Variants in HNRNPK observed in about 807,000 individuals in gnomAD.
The protein encoded by HNRNPK is heterogeneous nuclear ribonucleoprotein K.
HNRNPK carries 7 observed loss-of-function variants against 67.0 expected under a neutral mutation model. The ratio of observed to expected loss-of-function variants is 0.10; its 90% CI spans 0.06 to 0.20. The LOEUF (loss-of-function observed/expected upper bound fraction) is 0.20. Ranked by LOEUF, HNRNPK falls within the 10% of genes least tolerant of loss-of-function variation. The pLI is 1.00. For synonymous variants in HNRNPK, 213 were observed against 193.7 expected (o/e 1.10, Z -0.83); for missense variants, 264 against 606.5 (o/e 0.44, Z 5.93).
chr9:83,979,985 G>C (rs1490568022), intron 1 of HNRNPK, among the ~76,000 whole-genome samples, 168 bp downstream of exon 1: 2 of 152,170 alleles, frequency 1.3e-5, no homozygotes, highest in African/African-American at 4.8e-5. Flanking sequence ...GCGGACTGCG[G>C]ATACACGCTC....
At position 83,974,509 on chromosome 9, in the gene HNRNPK, G is replaced by A. The variant is rs1259143826; in HGVS notation, c.330+8C>T. On this transcript the variant is annotated splice_region_variant and intron_variant, in intron 7 of 16. Coordinates refer to ENST00000376263, the MANE Select transcript of HNRNPK (RefSeq NM_031263.4). ...TTGTCAAATACATTTAAAAAAAAATGAGCCTACCTCTTCCAAGGTAGGGAT... is the reference window on the plus strand; with the variant it reads ...TTGTCAAATACATTTAAAAAAAAATAAGCCTACCTCTTCCAAGGTAGGGAT... 6 of 1,414,582 alleles carry A rather than the reference G, an allele frequency of 4.2e-6. No individual in the cohort carries two copies. The highest frequency in any genetic ancestry group is 1.7e-5 in the Admixed American group (1 of 57,362). The allele number at this position is 1,414,582 out of a possible 1,614,324, so 87.6% of individuals were successfully genotyped here.
chr9:83,971,078 A>G, intron 13 of HNRNPK, 166 bp from the exon 14 acceptor site: 1 of 752,520 alleles, frequency 1.3e-6, no homozygotes, highest in Non-Finnish European at 2.3e-6. Flanking sequence ...TGTAGTTGGG[A>G]TTATGAGTGA....
At position 83,971,503 on chromosome 9, in the gene HNRNPK, T is replaced by C. The variant is rs1435867116; in HGVS notation, c.1009-147A>G. The C allele has an allele frequency of 6.2e-6, 5 of 807,016 alleles. No homozygotes were observed. In the Admixed American group the frequency reaches 1.1e-4, roughly 17 times the overall value. The allele number at this position is 807,016 out of a possible 1,614,324, so 50.0% of individuals were successfully genotyped here. On this transcript the variant is annotated intron_variant, in intron 12 of 16. Transcript: ENST00000376263. ...TGTAATCGAGGGGAACAAAGCTCAA[T>C]AAAGTCGTAATCCTCCAGCAGCAAA...
At position 83,978,257 on chromosome 9, in the gene HNRNPK, T is replaced by C. The variant is rs1957162288; in HGVS notation, c.-5A>G. 2 of 1,612,230 alleles carry C rather than the reference T, an allele frequency of 1.2e-6. No individual in the cohort carries two copies. The highest frequency in any genetic ancestry group is 1.7e-6 in the Non-Finnish European group (2 of 1,179,050). ...TTCTGGCTGTTCAGTTTCCATATTC[T>C]TTTATTAAACGGGCACACCAATCTG... is the stretch of plus-strand genomic sequence containing the variant. On this transcript the variant is annotated 5_prime_UTR_variant, in exon 3 of 17. Coordinates refer to ENST00000376263, the MANE Select transcript of HNRNPK (RefSeq NM_031263.4).
chr9:83,970,451 G>GA, intron 15 of HNRNPK, 120 bp from the exon 16 acceptor site: 1 of 790,040 alleles, frequency 1.3e-6, no homozygotes, highest in South Asian at 1.8e-5. Context: ...ATGATCTAAC[G>GA]CTCCCTAAAC....
chr9:83,971,170 C>G (rs1396641592), intron 13 of HNRNPK, 103 bp downstream of exon 13: 2 of 894,674 alleles, frequency 2.2e-6, no homozygotes, highest in Non-Finnish European at 3.8e-6. Flanking sequence ...CTCCTGTATC[C>G]TATTTTCAGT....
At chr9:83,972,391 C>A (rs1012544449) in intron 10 of HNRNPK, 13 of 562,290 alleles carry the variant, frequency 2.3e-5, no homozygotes, top group Non-Finnish European at 4.1e-5. Flanking sequence ...AAATGCTAAA[C>A]AAAAGTGAGT....
At chr9:83,974,645 T>A (rs1485269873) in intron 6 of HNRNPK, 56 bp from the exon 7 acceptor site, 1 of 1,236,280 alleles carries the variant, frequency 8.1e-7, no homozygotes, top group South Asian at 1.3e-5. Flanking sequence ...GAAAAATGAG[T>A]TTTGTGTTTG....
Position 83,973,888 on chromosome 9 carries a change from G to C in HNRNPK, c.402+14C>G. On this transcript the variant is annotated intron_variant, in intron 8 of 16. Coordinates refer to ENST00000376263, the MANE Select transcript of HNRNPK (RefSeq NM_031263.4). ...CTCCATACTTCAGTGGGGTTCAATG[G>C]CACTATGACATACATTTAAGCATTC... The C allele has an allele frequency of 6.2e-7, 1 of 1,603,240 alleles. No individual in the cohort carries two copies.
In HNRNPK at chr9:83,978,223, G is replaced by A. The variant is rs1169364169; in HGVS notation, c.30C>T (p.Phe10=). 4 of 1,611,368 alleles carry A rather than the reference G, an allele frequency of 2.5e-6. No individual in the cohort carries two copies. The highest frequency in any genetic ancestry group is 3.4e-6 in the Non-Finnish European group (4 of 1,177,938). The part of the protein sequence containing the change: METEQPEET[F]PNTETNGEFG... ...ATTCACCATTGGTTTCAGTGTTAGG[G>A]AAGGTTTCTTCTGGCTGTTCAGTTT... is the stretch of plus-strand genomic sequence containing the variant. Residue 10 remains phenylalanine (F), a synonymous_variant, in exon 3 of 17, where the codon TTC becomes TTT. Transcript: ENST00000376263.
At position 83,977,773 on chromosome 9, in the gene HNRNPK, T is replaced by C; in HGVS notation, c.72A>G (p.Ala24=). 1 of 1,603,348 alleles carries C rather than the reference T, an allele frequency of 6.2e-7. No homozygotes were observed. Among genetic ancestry groups the C allele is most frequent in the South Asian group, 1.1e-5 (1 of 90,614 alleles). The stretch of plus-strand genomic sequence containing the variant: ...ATGCTTGTTCCTCTTCCATATCTTC[T>C]GCAGGGCGTTTACCTAAAAATTAAC... The part of the protein sequence containing the change: ...ETNGEFGKRP[A]EDMEEEQAFK... The change falls in exon 4 of 17, where the codon GCA becomes GCG. Residue 24 remains alanine (A), a synonymous_variant. Coordinates refer to ENST00000376263, the MANE Select transcript of HNRNPK (RefSeq NM_031263.4).
chr9:83,972,821 A>C, intron 10 of HNRNPK, 23 bp downstream of exon 10: 1 of 1,555,552 alleles, frequency 6.4e-7, no homozygotes, highest in Non-Finnish European at 8.7e-7. Context: ...AATCAAATGT[A>C]AACAAAAAGT....
At chr9:83,979,662 G>A (rs1442973545) in intron 1 of HNRNPK, among the ~76,000 whole-genome samples, 10 of 152,142 alleles carry the variant, frequency 6.6e-5, no homozygotes, top group Admixed American at 6.5e-4. Context: ...CGTGCTACTA[G>A]GCGGAGCCGA....
Position 83,978,219 on chromosome 9 carries a change from T to C in HNRNPK, c.34A>G (p.Asn12Asp), listed in dbSNP as rs1261471001. The C allele has an allele frequency of 1.9e-6, 3 of 1,610,668 alleles. No individual in the cohort carries two copies. The highest frequency in any genetic ancestry group is 2.5e-6 in the Non-Finnish European group (3 of 1,177,272). Residue 12 changes from asparagine to aspartate, a missense_variant, in exon 3 of 17, where the codon AAC (asparagine) becomes GAC (aspartate). By Grantham distance (23) the Asn-to-Asp change is conservative (BLOSUM62 1). Around this residue, in one of 6 missense-constraint regions of HNRNPK, gnomAD observed 32 missense variants for 45.6 expected, o/e 0.70. Coordinates refer to ENST00000376263, the MANE Select transcript of HNRNPK (RefSeq NM_031263.4). ...ETEQPEETFP[N>D]TETNGEFGKR... is the part of the protein sequence containing the mutation. ...CCAAATTCACCATTGGTTTCAGTGTTAGGGAAGGTTTCTTCTGGCTGTTCA... is the reference window on the plus strand; with the variant it reads ...CCAAATTCACCATTGGTTTCAGTGTCAGGGAAGGTTTCTTCTGGCTGTTCA...
chr9:83,974,346 T>TAA (rs35198637), intron 7 of HNRNPK, among the ~76,000 whole-genome samples, 171 bp downstream of exon 7: 48 of 143,820 alleles, frequency 3.3e-4, no homozygotes, highest in East Asian at 1.4e-3. Context: ...TTTTTTTTTT[T>TAA]AAAAAAAAAA....
At chr9:83,970,705 A>C in intron 15 of HNRNPK, 32 bp downstream of exon 15, 1 of 1,255,664 alleles carries the variant, frequency 8.0e-7, no homozygotes, top group Non-Finnish European at 1.2e-6. Context: ...TAAAAGTGAT[A>C]AAATGTTCCT....
In HNRNPK at chr9:83,972,312, AG is replaced by A. The variant is rs1956884664; in HGVS notation, c.646-124del. Reference sequence around the variant, plus strand: ...TCCCCCATCAGGAGGTACTAGAGACAGAAACAGGAATTATGTCAACGCTAAA... The same window carrying A: ...TCCCCCATCAGGAGGTACTAGAGACAAAACAGGAATTATGTCAACGCTAAA... On this transcript the variant is annotated intron_variant, in intron 10 of 16. Transcript: ENST00000376263. 5 of 708,476 alleles carry A rather than the reference AG, an allele frequency of 7.1e-6. No homozygotes were observed. In the East Asian group the frequency reaches 1.4e-4, roughly 20 times the overall value. 43.9% of individuals were successfully genotyped at this position (708,476 alleles called of 1,614,324 possible).
chr9:83,974,723 G>A, intron 6 of HNRNPK, 134 bp from the exon 7 acceptor site: 1 of 622,322 alleles, frequency 1.6e-6, no homozygotes, highest in African/African-American at 1.8e-5. Flanking sequence ...ATTTAAAGTA[G>A]CCTATTTATA....
At chr9:83,973,141 C>T (rs1485608175) in intron 9 of HNRNPK, 145 bp downstream of exon 9, 24 of 734,626 alleles carry the variant, frequency 3.3e-5, no homozygotes, top group Non-Finnish European at 5.3e-5. Flanking sequence ...AATAACATGT[C>T]TAGCAGTGCC....
Sources: gnomAD v4.1 joint callset for allele counts (sites outside exome capture counted in the v4.1 genomes callset) on GRCh38, gnomAD v4.1.1 for gene constraint, gnomAD v4.1.1 regional missense constraint, MANE v1.5 for transcripts, NCBI Gene and HGNC (gene_info 2026-07-23, HGNC 2026-07-21) for gene names.